GSN: variants seen among roughly 807,000 people sequenced by gnomAD.
GSN encodes actin-depolymerizing factor.
In GSN, 56 loss-of-function variants were observed where a neutral mutation model predicts 85.7. The ratio of observed to expected loss-of-function variants is 0.65; its 90% CI spans 0.53 to 0.82. The LOEUF is 0.82. Ranked by LOEUF, GSN falls within the 40% of genes least tolerant of loss-of-function variation. The pLI is 0.00. For synonymous variants in GSN, 373 were observed against 399.1 expected, an observed-to-expected ratio of 0.93 and a Z score of 0.78; for missense variants, 857 against 979.8, an observed-to-expected ratio of 0.87 and a Z score of 1.67.
At chr9:121,269,481 G>A (rs369498812) in intron 1 of GSN, among the ~76,000 whole-genome samples, 37 of 152,210 alleles carry the variant, frequency 2.4e-4, no homozygotes, top group African/African-American at 8.2e-4. Context: ...TGGGTGTTCC[G>A]TTTACTAAAG....
chr9:121,244,437 C>T (rs367836876), intron 5 of GSN, among the ~76,000 whole-genome samples: 2 of 152,194 alleles, frequency 1.3e-5, no homozygotes, highest in East Asian at 3.8e-4. Flanking sequence ...AAAGTGGCTG[C>T]ACCATTTTGC....
rs765799596 is a variant in GSN at position 121,329,088 on chromosome 9, G to A, written c.1887+73G>A. On this transcript the variant is annotated intron_variant, in intron 15 of 17. Transcript: ENST00000432226. This position sits in a 1 kb window ranked among gnomAD's most constrained non-coding sequence, Gnocchi z 4.6. ...GTTCCACAGGACTGGCCGGCAGCAG[G>A]GGCAGGAGAAACAGTTCTGATGGTG... The A allele has an allele frequency of 6.3e-7, 1 of 1,588,668 alleles. No homozygotes were observed. Among genetic ancestry groups the A allele is most frequent in the African/African-American group, 1.3e-5 (1 of 74,594 alleles).
At chr9:121,255,605 A>T (rs2054938497) in intron 6 of GSN, among the ~76,000 whole-genome samples, 1 of 152,214 alleles carries the variant, frequency 6.6e-6, no homozygotes, top group South Asian at 2.1e-4. Flanking sequence ...AAAAATATAG[A>T]TATAGCTTGA....
chr9:121,304,825 C>G (rs111674218), intron 4 of GSN, among the ~76,000 whole-genome samples: 1 of 152,088 alleles, frequency 6.6e-6, no homozygotes, highest in Admixed American at 6.5e-5. Flanking sequence ...TCTGCCAGGC[C>G]CTGTGATGGG....
chr9:121,281,498 G>A lies in GSN; in HGVS notation c.-74G>A, dbSNP rs1039335072. ...GTGCTCATAGCTCTCTTTGTCCAGT[G>A]CTTCGGCCTTGGTCCCAGCGCCTTC... On this transcript the variant is annotated 5_prime_UTR_variant, in exon 2 of 18. Coordinates refer to ENST00000432226, the MANE Select transcript of GSN (RefSeq NM_198252.3). The A allele has an allele frequency of 2.5e-6, 1 of 392,510 alleles. No individual in the cohort carries two copies. 24.3% of individuals were successfully genotyped at this position (392,510 alleles called of 1,614,324 possible).
chr9:121,312,265 A>C, intron 5 of GSN, 74 bp from the exon 6 acceptor site: 1 of 1,545,508 alleles, frequency 6.5e-7, no homozygotes. Flanking sequence ...CACACGCCAC[A>C]CTCCCCAAGC....
intron 2 of GSN, among the ~76,000 whole-genome samples, chr9:121,287,347 G>A (rs796091492): frequency 7.9e-5 from 12 of 152,204 alleles, no homozygotes; most frequent in African/African-American, 2.9e-4. Context: ...GTCTGACCAG[G>A]CCCCTCTCCT....
chr9:121,269,000 A>G (rs2132326731), intron 1 of GSN, among the ~76,000 whole-genome samples: 1 of 152,276 alleles, frequency 6.6e-6, no homozygotes, highest in East Asian at 1.9e-4. Flanking sequence ...GGTGAGCAGG[A>G]GACATTGGCT....
intron 2 of GSN, chr9:121,286,238 G>A (rs898978339): frequency 4.5e-5 from 54 of 1,211,638 alleles, no homozygotes; most frequent in South Asian, 6.6e-5. Context: ...GAGGAGGGAC[G>A]CCAGGGAGAC....
At chr9:121,224,218 T>C (rs1184746573) in intron 4 of GSN, among the ~76,000 whole-genome samples, 1 of 152,068 alleles carries the variant, frequency 6.6e-6, no homozygotes, top group Non-Finnish European at 1.5e-5. Context: ...TGCCTCAGCC[T>C]CCCGAGTAGC....
At chr9:121,281,424 C>G (rs142907559) in intron 1 of GSN, 46 bp from the exon 2 acceptor site, 1 of 370,610 alleles carries the variant, frequency 2.7e-6, no homozygotes, top group Non-Finnish European at 5.5e-6. Flanking sequence ...GACCAGATGA[C>G]CTTGAACTCC....
chr9:121,300,262 A>C, intron 2 of GSN: 1 of 649,048 alleles, frequency 1.5e-6, no homozygotes, highest in Non-Finnish European at 2.8e-6. Flanking sequence ...CTAACATCTT[A>C]CCTCCTGTCT....
rs781292618 is a variant in GSN at position 121,314,035 on chromosome 9, A to T, written c.753+12A>T. ...CCAAGCTCTACAAGGTGAGCACCAG[A>T]TGCACTGTCTGCCTGGGCATGGGGT... On this transcript the variant is annotated intron_variant, in intron 7 of 17. Transcript: ENST00000432226. The T allele has an allele frequency of 1.9e-6, 3 of 1,600,206 alleles. No homozygotes were observed. In the South Asian group the frequency reaches 3.3e-5, roughly 18 times the overall value.
upstream of GSN, among the ~76,000 whole-genome samples, chr9:121,264,036 T>G (rs1278226637): frequency 4.0e-5 from 6 of 151,778 alleles, no homozygotes; most frequent in Non-Finnish European, 8.8e-5. Context: ...CAATTCGAGA[T>G]GAGATTTGGG....
intron 4 of GSN, among the ~76,000 whole-genome samples, chr9:121,211,887 A>T (rs538619655): frequency 6.6e-6 from 1 of 152,156 alleles, no homozygotes; most frequent in Non-Finnish European, 1.5e-5. Flanking sequence ...CTGTTCAAAA[A>T]CTTTAAAAAC....
upstream of GSN, among the ~76,000 whole-genome samples, chr9:121,267,662 G>A (rs1268321172): frequency 3.9e-5 from 6 of 152,132 alleles, no homozygotes; most frequent in Admixed American, 6.5e-5. Context: ...ACTTCATTCG[G>A]AATGAGCTGG....
At chr9:121,232,319 ATCT>A (rs2054406289) in intron 5 of GSN, among the ~76,000 whole-genome samples, 2 of 152,144 alleles carry the variant, frequency 1.3e-5, no homozygotes, top group Admixed American at 6.5e-5. Flanking sequence ...GTGATTGAAA[ATCT>A]TCTTGACACC....
At chr9:121,208,801 C>A (rs183664268) in intron 1 of GSN, among the ~76,000 whole-genome samples, 1 of 152,316 alleles carries the variant, frequency 6.6e-6, no homozygotes, top group Non-Finnish European at 1.5e-5. Context: ...TGAGAAACAA[C>A]CAGCTATTTT....
chr9:121,299,725 A>G lies in GSN; in HGVS notation c.-9-2238A>G. ...TCCGGGTGGGAACCCAGATGTCTCC[A>G]AGATCCGAGACAGATCCCCGCCCCG... On this transcript the variant is annotated intron_variant, in intron 2 of 17. Transcript: ENST00000432226. The surrounding 1 kb of genome is among the most constrained non-coding windows in gnomAD (Gnocchi z 4.2). 9.6e-7 allele frequency: 1 copy of G among 1,046,086 alleles called. No individual in the cohort carries two copies. Among genetic ancestry groups the G allele is most frequent in the Non-Finnish European group, 1.2e-6 (1 of 836,402 alleles). The allele number at this position is 1,046,086 out of a possible 1,614,324, so 64.8% of individuals were successfully genotyped here. A position where few individuals can be genotyped will look rare whatever the true frequency, so the allele number is the denominator to read the frequency against.
Sources: gnomAD v4.1 joint callset for allele counts (sites outside exome capture counted in the v4.1 genomes callset) on GRCh38, gnomAD v4.1.1 for gene constraint, Gnocchi (gnomAD v3.1) non-coding constraint, MANE v1.5 for transcripts, NCBI Gene and HGNC (gene_info 2026-07-23, HGNC 2026-07-21) for gene names.